Variants in RAP1GAP observed in about 807,000 individuals in gnomAD.
RAP1GAP encodes the protein RAP1 GTPase activating protein, also known as rap1 GTPase-activating protein 1.
A neutral mutation model predicts 87.2 loss-of-function variants in RAP1GAP; 35 were observed. The observed-to-expected ratio is 0.40, with a 90% CI of 0.31 to 0.53. RAP1GAP has a LOEUF of 0.53. Among genes scored for constraint, RAP1GAP ranks in the 20% least tolerant of loss-of-function variants. The probability of loss-of-function intolerance (pLI) is 0.48; values close to 1 mark genes in which losing one functional copy is unlikely to be tolerated. For missense variants in RAP1GAP, 734 were observed against 898.9 expected, an observed-to-expected ratio of 0.82 and a Z score of 2.35; for synonymous variants, 375 against 363.9, an observed-to-expected ratio of 1.03 and a Z score of -0.35.
rs550557336 is a variant in RAP1GAP at position 21,650,605 on chromosome 1, C to G, written c.-148-809G>C. The stretch of plus-strand genomic sequence containing the variant: ...ACTCTGCCAGCAAGAGGACGTCCTC[C>G]GCAGGGCAGGGCTGGGGGCTCCCAG... On this transcript the variant is annotated intron_variant, in intron 1 of 24. Coordinates refer to ENST00000374765, the MANE Select transcript of RAP1GAP (RefSeq NM_002885.4). Among the ~76,000 whole-genome samples, 6 of 152,282 alleles carry G rather than the reference C, an allele frequency of 3.9e-5. No individual in the cohort carries two copies. The East Asian group carries it at 9.7e-4, about 25-fold the overall frequency.
rs1203446393 is a variant in RAP1GAP, at chr1:21,610,336, T to C, written c.844-61A>G. Reference sequence around the variant, plus strand: ...AGAGGGGGCCCATGGGGGAGAGGGGTGCCCACGGGGGTTTAGGAGGGTTTG... The same window carrying C: ...AGAGGGGGCCCATGGGGGAGAGGGGCGCCCACGGGGGTTTAGGAGGGTTTG... On this transcript the variant is annotated intron_variant, in intron 13 of 24. Transcript: ENST00000374765. 2.2e-5 allele frequency: 35 copies of C among 1,587,924 alleles called. No individual in the cohort carries two copies. In the Admixed American group the frequency reaches 4.9e-4, roughly 22 times the overall value.
At chr1:21,614,715 AC>A (rs1303252819) in intron 7 of RAP1GAP, among the ~76,000 whole-genome samples, 2 of 151,958 alleles carry the variant, frequency 1.3e-5, no homozygotes, top group Non-Finnish European at 2.9e-5. Context: ...CAGGGATGGC[AC>A]CCCCAGAGAG....
At chr1:21,617,177 A>T in intron 7 of RAP1GAP, 129 bp downstream of exon 7, 1 of 1,062,874 alleles carries the variant, frequency 9.4e-7, no homozygotes, top group East Asian at 2.6e-5. Flanking sequence ...GTGGGAGCAC[A>T]TTCACTCAGG....
At chr1:21,651,669 T>C (rs2152001102) in intron 1 of RAP1GAP, 2 of 1,131,498 alleles carry the variant, frequency 1.8e-6, no homozygotes, top group Non-Finnish European at 2.6e-6. Flanking sequence ...ACAGCAGTCA[T>C]AGCCCAGGCC....
chr1:21,637,145 C>CT (rs869047762), intron 2 of RAP1GAP, among the ~76,000 whole-genome samples: 3,710 of 128,482 alleles, frequency 0.029, 85 homozygotes, highest in Non-Finnish European at 0.035. Context: ...TCTTTTTTTT[C>CT]TTTTTTTTTT....
rs766168738 is a variant in RAP1GAP at position 21,609,801 on chromosome 1, C to T, written c.1000-155G>A. ...GAATCTTTCTTCCAGAGATTTCTGCCCTCTATCTTTTGCCCTGAATTTTAG... is the reference window on the plus strand; with the variant it reads ...GAATCTTTCTTCCAGAGATTTCTGCTCTCTATCTTTTGCCCTGAATTTTAG... On this transcript the variant is annotated intron_variant, in intron 14 of 24. Transcript: ENST00000374765. The surrounding 1 kb of genome is among the most constrained non-coding windows in gnomAD (Gnocchi z 4.4). 1.3e-5 allele frequency among the ~76,000 whole-genome samples: 2 copies of T among 152,130 alleles called. No homozygotes were observed. The highest frequency in any genetic ancestry group is 2.9e-5 in the Non-Finnish European group (2 of 68,030).
In RAP1GAP at chr1:21,668,444, A is replaced by AC. The variant is rs1331038430; in HGVS notation, c.-149+809dup. On this transcript the variant is annotated intron_variant, in intron 1 of 24. Transcript: ENST00000374765. The surrounding 1 kb of genome is among the most constrained non-coding windows in gnomAD (Gnocchi z 6.2). ...ACCCCACCACCGGGCCTGTGCTATG[A>AC]CCCCAACAAGGACTCCGAGGGCATG... The AC allele has an allele frequency of 6.6e-6, 1 of 152,300 alleles. No homozygotes were observed. The highest frequency in any genetic ancestry group is 1.9e-4 in the East Asian group (1 of 5,168). The allele number at this position is 152,300 out of a possible 1,614,324, so 9.4% of individuals were successfully genotyped here.
intron 1 of RAP1GAP, among the ~76,000 whole-genome samples, chr1:21,660,349 T>TATATATATA (rs1257256841): frequency 3.1e-5 from 2 of 64,358 alleles, no homozygotes; most frequent in African/African-American, 4.9e-5. Context: ...CTATATATAT[T>TATATATATA]TATTGAGACA....
rs908922851 is a variant in RAP1GAP, at chr1:21,620,022, T to C, written c.11A>G (p.Lys4Arg). 6.2e-7 allele frequency: 1 copy of C among 1,613,926 alleles called. No individual in the cohort carries two copies. The highest frequency in any genetic ancestry group is 8.5e-7 in the Non-Finnish European group (1 of 1,179,936). The change falls in exon 4 of 25, where the codon AAG (lysine) becomes AGG (arginine). Residue 4 changes from lysine (K) to arginine (R), a missense_variant. Lys to Arg is a conservative substitution (Grantham distance 26). This residue lies in a region of RAP1GAP where 485 missense variants were observed against 646.2 expected (regional missense o/e 0.75). Transcript: ENST00000374765. ...CCACAGAGCCATCCTCACCTGCATCTTCTCAATCATCTCAAATAGATCTGT... is the reference window on the plus strand; with the variant it reads ...CCACAGAGCCATCCTCACCTGCATCCTCTCAATCATCTCAAATAGATCTGT... Reference protein sequence around the residue: MIEKMQGSRMDEQR... With the variant: MIERMQGSRMDEQR...
chr1:21,641,374 C>T (rs2095509940), intron 2 of RAP1GAP, among the ~76,000 whole-genome samples: 1 of 152,154 alleles, frequency 6.6e-6, no homozygotes, highest in Non-Finnish European at 1.5e-5. Context: ...ATTTTCTCTA[C>T]CCTCTGCCTG....
At chr1:21,601,054 T>C (rs2067988081) in intron 20 of RAP1GAP, among the ~76,000 whole-genome samples, 1 of 148,256 alleles carries the variant, frequency 6.7e-6, no homozygotes, top group Non-Finnish European at 1.5e-5. Context: ...GGAGTCTTGC[T>C]ATGATGTCCA....
intron 21 of RAP1GAP, 139 bp from the exon 22 acceptor site, chr1:21,598,641 G>T: frequency 1.4e-6 from 1 of 709,840 alleles, no homozygotes; most frequent in Non-Finnish European, 2.4e-6. Context: ...GCCTAGCCAT[G>T]TCTGCCCCAG....
In RAP1GAP at chr1:21,626,644, C is replaced by T. The variant is rs771308940; in HGVS notation, c.-112-247G>A. 5.3e-5 allele frequency among the ~76,000 whole-genome samples: 8 copies of T among 152,136 alleles called. No homozygotes were observed. The East Asian group carries it at 7.7e-4, about 15-fold the overall frequency. On this transcript the variant is annotated intron_variant, in intron 2 of 24. Transcript: ENST00000374765. ...CCAAGCTCTCCATTAGGCCTCCAGC[C>T]AAGCAGTGACCTACTCTGAAGATGA...
chr1:21,656,157 G>T (rs1443526774), intron 1 of RAP1GAP, among the ~76,000 whole-genome samples: 1 of 152,198 alleles, frequency 6.6e-6, no homozygotes, highest in African/African-American at 2.4e-5. Flanking sequence ...AGTGGGCTGG[G>T]CGCGGTGGCT....
chr1:21,645,855 G>A (rs1246946800), intron 2 of RAP1GAP, among the ~76,000 whole-genome samples: 1 of 152,230 alleles, frequency 6.6e-6, no homozygotes, highest in Non-Finnish European at 1.5e-5. Flanking sequence ...CAGGCCCCAG[G>A]GCCTCTGGCT....
chr1:21,627,297 C>G (rs1292849286), intron 2 of RAP1GAP, among the ~76,000 whole-genome samples: 1 of 152,096 alleles, frequency 6.6e-6, no homozygotes, highest in African/African-American at 2.4e-5. Context: ...CGCTGGTGGC[C>G]TACAGCAGGC....
chr1:21,638,676 C>A (rs1441409222), intron 2 of RAP1GAP, among the ~76,000 whole-genome samples: 1 of 152,180 alleles, frequency 6.6e-6, no homozygotes, highest in African/African-American at 2.4e-5. Context: ...GTGGCAAATA[C>A]TTTTCTGCAC....
intron 3 of RAP1GAP, 94 bp from the exon 4 acceptor site, chr1:21,620,144 T>G: frequency 2.2e-6 from 3 of 1,376,652 alleles, no homozygotes; most frequent in Non-Finnish European, 2.0e-6. Context: ...CCACCAGCTC[T>G]GATCAGTGAC....
At chr1:21,659,160 C>T (rs2096991629) in intron 1 of RAP1GAP, among the ~76,000 whole-genome samples, 1 of 152,048 alleles carries the variant, frequency 6.6e-6, no homozygotes, top group Non-Finnish European at 1.5e-5. Flanking sequence ...CCGCCTTAGC[C>T]TCCCAAAGTG....
Sources: gnomAD v4.1 joint callset for allele counts (sites outside exome capture counted in the v4.1 genomes callset) on GRCh38, gnomAD v4.1.1 for gene constraint, gnomAD v4.1.1 regional missense constraint, Gnocchi (gnomAD v3.1) non-coding constraint, MANE v1.5 for transcripts, NCBI Gene and HGNC (gene_info 2026-07-23, HGNC 2026-07-21) for gene names.